The following SUGP1 variants were observed in gnomAD, a reference collection of about 807,000 sequenced individuals.
SUGP1 encodes SURP and G-patch domain-containing protein 1.
Under a neutral mutation model 76.5 loss-of-function variants are expected in SUGP1, and 34 were observed. That is an observed-to-expected ratio of 0.44 (90% CI 0.34 to 0.59). The LOEUF (loss-of-function observed/expected upper bound fraction) is 0.59, where lower values mean the gene tolerates loss of function less well. SUGP1 is among the 20% of genes least tolerant of loss of function. The pLI is 0.01. For synonymous variants in SUGP1, 326 were observed against 326.2 expected (o/e 1.00, Z 0.01); for missense variants, 752 against 851.7 (o/e 0.88, Z 1.46).
intron 8 of SUGP1, 93 bp from the exon 9 acceptor site, chr19:19,280,384 T>A: frequency 2.7e-6 from 3 of 1,128,222 alleles, no homozygotes; most frequent in Non-Finnish European, 4.0e-6. Context: ...CACACCTTCA[T>A]GACACTCCAG....
At chr19:19,304,802 G>GGGGGAGAGGT (rs2061303508) in intron 4 of SUGP1, among the ~76,000 whole-genome samples, 1 of 152,124 alleles carries the variant, frequency 6.6e-6, no homozygotes, top group South Asian at 2.1e-4. Context: ...TGCTGGGAAT[G>GGGGGAGAGGT]GGGGAGAGGT....
At chr19:19,303,248 C>T in intron 6 of SUGP1, 100 bp downstream of exon 6, 3 of 1,002,314 alleles carry the variant, frequency 3.0e-6, no homozygotes, top group Non-Finnish European at 4.7e-6. Context: ...ACCGGTGCCA[C>T]ACAGTGCCAC....
At chr19:19,292,909 T>C (rs374139296) in intron 8 of SUGP1, among the ~76,000 whole-genome samples, 4 of 152,148 alleles carry the variant, frequency 2.6e-5, no homozygotes, top group East Asian at 3.9e-4. Flanking sequence ...TATGTATTTA[T>C]TTACTTTTTT....
chr19:19,312,726 G>A (rs1253659248), intron 2 of SUGP1, among the ~76,000 whole-genome samples: 1 of 152,102 alleles, frequency 6.6e-6, no homozygotes, highest in East Asian at 1.9e-4. Context: ...GGTGGCTCAC[G>A]CCTGTAATCC....
intron 8 of SUGP1, among the ~76,000 whole-genome samples, chr19:19,291,897 A>T (rs1015242259): frequency 1.3e-4 from 14 of 106,408 alleles, no homozygotes; most frequent in Admixed American, 2.7e-4. Flanking sequence ...TGTCACACAC[A>T]CACACACACA....
intron 1 of SUGP1, among the ~76,000 whole-genome samples, chr19:19,319,000 T>C (rs1178464345): frequency 6.6e-6 from 1 of 152,108 alleles, no homozygotes; most frequent in Non-Finnish European, 1.5e-5. Context: ...GGCAGATCAC[T>C]TGAGGTCAGG....
intron 4 of SUGP1, among the ~76,000 whole-genome samples, chr19:19,304,265 T>C (rs937757101): frequency 2.6e-5 from 4 of 152,130 alleles, no homozygotes; most frequent in Admixed American, 2.6e-4. Flanking sequence ...ACTGGGTGGG[T>C]TTCGATCCAT....
At chr19:19,318,302 T>G (rs773686048) in intron 1 of SUGP1, among the ~76,000 whole-genome samples, 1 of 151,686 alleles carries the variant, frequency 6.6e-6, no homozygotes, top group Admixed American at 6.6e-5. Flanking sequence ...ATATTTTTAG[T>G]AGAGATGGGG....
chr19:19,303,697 A>G (rs773559115), intron 5 of SUGP1, 27 bp downstream of exon 5: 3 of 1,613,852 alleles, frequency 1.9e-6, no homozygotes, highest in Admixed American at 1.7e-5. Context: ...TCAACAGCAC[A>G]GCCTTCCCTT....
At chr19:19,308,162 T>C (rs1216543405) in intron 3 of SUGP1, among the ~76,000 whole-genome samples, 1 of 152,036 alleles carries the variant, frequency 6.6e-6, no homozygotes, top group East Asian at 1.9e-4. Flanking sequence ...CCCCCATTAG[T>C]TGGGGTTAAA....
chr19:19,320,187 G>A (rs1380364397), intron 1 of SUGP1, among the ~76,000 whole-genome samples: 1 of 152,226 alleles, frequency 6.6e-6, no homozygotes, highest in Non-Finnish European at 1.5e-5. Flanking sequence ...GGTTGGAGCA[G>A]CCCTGAAGGC....
At chr19:19,308,010 T>C (rs1028870609) in intron 3 of SUGP1, among the ~76,000 whole-genome samples, 7 of 151,824 alleles carry the variant, frequency 4.6e-5, no homozygotes, top group Admixed American at 3.9e-4. Context: ...AAAGGCAAAA[T>C]GTTACATCTA....
chr19:19,280,175 G>A lies in SUGP1; in HGVS notation c.1350+10C>T, dbSNP rs750545368. 1.3e-5 allele frequency: 21 copies of A among 1,612,442 alleles called. 1 individual carries two copies. The highest frequency in any genetic ancestry group is 3.3e-5 in the South Asian group (3 of 91,050). On this transcript the variant is annotated intron_variant, in intron 9 of 13. Transcript: ENST00000247001. Reference sequence around the variant, plus strand: ...ACCATGTCCCCGTCCCCTTGTCCCCGCAGTCTTACCTCCTGCTGCTCCTTC... The same window carrying A: ...ACCATGTCCCCGTCCCCTTGTCCCCACAGTCTTACCTCCTGCTGCTCCTTC...
chr19:19,303,774 G>A lies in SUGP1; in HGVS notation c.612C>T (p.Pro204=), dbSNP rs145001420. The A allele has an allele frequency of 3.0e-5, 49 of 1,614,140 alleles. No individual in the cohort carries two copies. The highest frequency in any genetic ancestry group is 1.5e-4 in the African/African-American group (11 of 75,024). The change falls in exon 5 of 14, where the codon CCC becomes CCT. Residue 204 remains proline (P), a synonymous_variant. Coordinates refer to ENST00000247001, the MANE Select transcript of SUGP1 (RefSeq NM_172231.4). ...CCTCCATAGCTACTTTTTCTAACTC[G>A]GGGCCTCCTTCTGCCACAAAGCGGG... ...KLARFVAEGG[P]ELEKVAMEDY...
chr19:19,313,554 TA>T (rs1273123783), intron 2 of SUGP1, among the ~76,000 whole-genome samples: 1 of 151,938 alleles, frequency 6.6e-6, no homozygotes, highest in Non-Finnish European at 1.5e-5. Context: ...ACACAAAATT[TA>T]AAAATTAGCT....
chr19:19,309,680 G>T (rs1472380373), intron 3 of SUGP1, among the ~76,000 whole-genome samples: 1 of 152,202 alleles, frequency 6.6e-6, no homozygotes, highest in Non-Finnish European at 1.5e-5. Flanking sequence ...GGAGGCTGAG[G>T]TGGGCGGATC....
At chr19:19,305,686 C>G (rs1033573602) in intron 4 of SUGP1, 163 bp downstream of exon 4, 9 of 641,038 alleles carry the variant, frequency 1.4e-5, no homozygotes, top group Non-Finnish European at 2.3e-5. Flanking sequence ...CCCTCCTTTG[C>G]TCTCCTCACC....
intron 3 of SUGP1, among the ~76,000 whole-genome samples, chr19:19,308,092 G>T (rs1439446825): frequency 6.6e-6 from 1 of 152,078 alleles, no homozygotes; most frequent in Non-Finnish European, 1.5e-5. Context: ...ACAGTGACGT[G>T]ATCTCCACTC....
intron 8 of SUGP1, among the ~76,000 whole-genome samples, chr19:19,294,707 A>T (rs1166867256): frequency 1.3e-5 from 2 of 151,924 alleles, no homozygotes; most frequent in Admixed American, 6.6e-5. Context: ...ATTTCTAGGG[A>T]GGGCTGGATT....
Sources: gnomAD v4.1 joint callset for allele counts (sites outside exome capture counted in the v4.1 genomes callset) on GRCh38, gnomAD v4.1.1 for gene constraint, MANE v1.5 for transcripts, NCBI Gene and HGNC (gene_info 2026-07-23, HGNC 2026-07-21) for gene names.